The following ZRANB3 variants were observed in gnomAD, a reference collection of about 807,000 sequenced individuals.
ZRANB3 encodes the protein zinc finger RANBP2-type containing 3.
ZRANB3 carries 125 observed loss-of-function variants against 133.8 expected under a neutral mutation model. The ratio of observed to expected loss-of-function variants is 0.93; its 90% CI spans 0.81 to 1.08. ZRANB3 has a LOEUF of 1.08. Among genes scored for constraint, ZRANB3 ranks in the 50% least tolerant of loss-of-function variants. The pLI is 0.00. For missense variants in ZRANB3, 1,229 were observed against 1,275.5 expected (o/e 0.96, Z 0.56); for synonymous variants, 387 against 432.7 (o/e 0.89, Z 1.31).
intron 3 of ZRANB3, among the ~76,000 whole-genome samples, chr2:135,383,077 A>T (rs1322775249): frequency 6.6e-6 from 1 of 152,186 alleles, no homozygotes; most frequent in Non-Finnish European, 1.5e-5. Flanking sequence ...AAGACCCATC[A>T]GTGTGCTGTA....
Position 135,504,251 on chromosome 2 carries a change from G to C in ZRANB3, c.161+78C>G, listed in dbSNP as rs1217568906. 4 of 1,552,896 alleles carry C rather than the reference G, an allele frequency of 2.6e-6. No individual in the cohort carries two copies. The African/African-American group carries it at 4.1e-5, about 16-fold the overall frequency. ...AAGAAAGACTGTGAATACACGAAAA[G>C]AAAGTTTGAACAGAACTTTGTTTTT... On this transcript the variant is annotated intron_variant, in intron 2 of 20. Coordinates refer to ENST00000264159, the MANE Select transcript of ZRANB3 (RefSeq NM_032143.4).
In ZRANB3 at chr2:135,224,455, T is replaced by C. The variant is rs745658870; in HGVS notation, c.2221A>G (p.Asn741Asp). The C allele has an allele frequency of 3.7e-6, 6 of 1,613,332 alleles. No homozygotes were observed. The highest frequency in any genetic ancestry group is 4.2e-6 in the Non-Finnish European group (5 of 1,179,516). Residue 741 changes from asparagine to aspartate, a missense_variant, in exon 15 of 21, where the codon AAT (asparagine) becomes GAT (aspartate). Asn to Asp is a conservative substitution (Grantham distance 23). Coordinates refer to ENST00000264159, the MANE Select transcript of ZRANB3 (RefSeq NM_032143.4). The stretch of plus-strand genomic sequence containing the variant: ...GTATAGATGTGAATCCGGTCAGTAT[T>C]CCTACTTGCACAGAACATTAAGGTG... ...YDTLMFCASR[N>D]TDRIHIYTKD...
chr2:135,313,550 C>G lies in ZRANB3; in HGVS notation c.905G>C (p.Gly302Ala), dbSNP rs746066037. ...WEKIMRTPNS[G>A]AMETVMGLIT... ...CAACCCCATGACTGTCTCCATGGCA[C>G]CTGAATTTGGAGTTCTCATTATTTT... is the stretch of plus-strand genomic sequence containing the variant. The change falls in exon 8 of 21, where the codon GGT (glycine) becomes GCT (alanine). Residue 302 changes from glycine (G) to alanine (A), a missense_variant. Transcript: ENST00000264159. The G allele has an allele frequency of 2.9e-5, 47 of 1,613,644 alleles. No homozygotes were observed. Among genetic ancestry groups the G allele is most frequent in the Non-Finnish European group, 3.8e-5 (45 of 1,179,824 alleles).
chr2:135,399,118 C>T (rs745373709), intron 2 of ZRANB3, among the ~76,000 whole-genome samples: 1 of 152,036 alleles, frequency 6.6e-6, no homozygotes, highest in Non-Finnish European at 1.5e-5. Context: ...ACTTGAACGG[C>T]CATACATGTA....
rs188394039 is a variant in ZRANB3, at chr2:135,255,731, T to C, written c.1539+9803A>G. On this transcript the variant is annotated intron_variant, in intron 12 of 20. Transcript: ENST00000264159. ...TGGCATGGTGGCATGATGATAGTCC[T>C]GGCTACTTGGGAGGCTGAGGCAGGG... Among the ~76,000 whole-genome samples the C allele has an allele frequency of 6.5e-4, 94 of 145,096 alleles. 1 individual carries two copies. The highest frequency in any genetic ancestry group is 2.9e-5 in the Non-Finnish European group (2 of 67,956).
chr2:135,289,448 G>T (rs1304393216), intron 8 of ZRANB3, among the ~76,000 whole-genome samples: 1 of 152,066 alleles, frequency 6.6e-6, no homozygotes, highest in African/African-American at 2.4e-5. Flanking sequence ...TAGCGACGGG[G>T]TTTCACCATG....
intron 1 of ZRANB3, among the ~76,000 whole-genome samples, chr2:135,526,033 C>T (rs1694145644): frequency 6.6e-6 from 1 of 151,538 alleles, no homozygotes; most frequent in African/African-American, 2.4e-5. Flanking sequence ...GGCTGTGGTG[C>T]AAAGGATACA....
At chr2:135,485,702 C>T (rs913242768) in intron 2 of ZRANB3, among the ~76,000 whole-genome samples, 3 of 152,230 alleles carry the variant, frequency 2.0e-5, no homozygotes, top group African/African-American at 7.2e-5. Context: ...AGGTGAGTCA[C>T]ACAGACTTGT....
chr2:135,210,564 A>G (rs556775974), intron 17 of ZRANB3, among the ~76,000 whole-genome samples: 1 of 152,148 alleles, frequency 6.6e-6, no homozygotes, highest in Non-Finnish European at 1.5e-5. Context: ...ACTGGCCTCA[A>G]TTGATCCGCC....
At position 135,207,419 on chromosome 2, in the gene ZRANB3, A is replaced by G. The variant is rs1693916625; in HGVS notation, c.3009+15T>C. 1 of 1,582,956 alleles carries G rather than the reference A, an allele frequency of 6.3e-7. No individual in the cohort carries two copies. Among genetic ancestry groups the G allele is most frequent in the Non-Finnish European group, 8.6e-7 (1 of 1,164,540 alleles). Reference sequence around the variant, plus strand: ...TACAATGCTGCCTTCTATCTATCACATGATTATAACTTACCTGTTCTAATG... The same window carrying G: ...TACAATGCTGCCTTCTATCTATCACGTGATTATAACTTACCTGTTCTAATG... On this transcript the variant is annotated intron_variant, in intron 19 of 20. Transcript: ENST00000264159.
intron 6 of ZRANB3, 200 bp downstream of exon 6, chr2:135,345,350 C>G (rs1443129365): frequency 2.3e-6 from 1 of 433,034 alleles, no homozygotes; most frequent in African/African-American, 2.0e-5. Context: ...TGCCTGTAAT[C>G]CCAGCTACTC....
intron 8 of ZRANB3, 136 bp downstream of exon 8, chr2:135,313,353 C>CAA (rs368770114): frequency 2.1e-3 from 738 of 354,534 alleles, no homozygotes; most frequent in Non-Finnish European, 2.2e-3. Flanking sequence ...GCTCCCAACT[C>CAA]AAAAAAAAAA....
At chr2:135,285,767 T>G (rs534848558) in intron 8 of ZRANB3, among the ~76,000 whole-genome samples, 2 of 152,346 alleles carry the variant, frequency 1.3e-5, no homozygotes, top group East Asian at 3.9e-4. Context: ...AAGGCATTGT[T>G]TTGATGTGCC....
At chr2:135,385,937 G>A (rs1006840101) in intron 3 of ZRANB3, among the ~76,000 whole-genome samples, 1 of 152,224 alleles carries the variant, frequency 6.6e-6, no homozygotes, top group South Asian at 2.1e-4. Flanking sequence ...CATGGGCAAG[G>A]ACTTCATGAC....
chr2:135,413,136 T>C lies in ZRANB3; in HGVS notation c.162-22316A>G, dbSNP rs186646363. ...TCACATAAAGCTTTTCTCCTCTTTC[T>C]TCCCTATTAAGACACTTTAGGACAC... On this transcript the variant is annotated intron_variant, in intron 2 of 20. Coordinates refer to ENST00000264159, the MANE Select transcript of ZRANB3 (RefSeq NM_032143.4). Among the ~76,000 whole-genome samples the C allele has an allele frequency of 2.6e-5, 4 of 152,324 alleles. No individual in the cohort carries two copies. In the East Asian group the frequency reaches 7.7e-4, roughly 29 times the overall value.
intron 6 of ZRANB3, among the ~76,000 whole-genome samples, chr2:135,316,980 A>AT (rs1410966475): frequency 4.1e-4 from 58 of 142,268 alleles, no homozygotes; most frequent in African/African-American, 9.7e-4. Context: ...AAAAAAAAAA[A>AT]AAAATATATA....
rs1447805609 is a variant in ZRANB3 at position 135,269,024 on chromosome 2, T to C, written c.1324A>G (p.Ile442Val). The C allele has an allele frequency of 1.9e-6, 3 of 1,612,732 alleles. No homozygotes were observed. Among genetic ancestry groups the C allele is most frequent in the Non-Finnish European group, 2.5e-6 (3 of 1,179,582 alleles). Residue 442 changes from isoleucine to valine, a missense_variant, in exon 11 of 21, where the codon ATT becomes GTT. Ile to Val is a conservative substitution (Grantham distance 29). Coordinates refer to ENST00000264159, the MANE Select transcript of ZRANB3 (RefSeq NM_032143.4). ...GTTCCATTTGCAATAAGGTAGTGAA[T>C]ATTCACAGAACTGCACTGGCCAATT... is the stretch of plus-strand genomic sequence containing the variant. The part of the protein sequence containing the change: ...HRIGQCSSVN[I>V]HYLIANGTLD...
At chr2:135,526,971 T>C (rs1559055972) in intron 1 of ZRANB3, among the ~76,000 whole-genome samples, 1 of 152,182 alleles carries the variant, frequency 6.6e-6, no homozygotes, top group African/African-American at 2.4e-5. Flanking sequence ...ACCTATAGCC[T>C]GGAAGTCCCC....
At chr2:135,357,555 C>A (rs557466231) in intron 3 of ZRANB3, among the ~76,000 whole-genome samples, 2 of 152,330 alleles carry the variant, frequency 1.3e-5, no homozygotes, top group Admixed American at 1.3e-4. Flanking sequence ...CTCGGCCTCC[C>A]AAAGTGCTTG....
Sources: allele counts gnomAD v4.1 joint callset (sites outside exome capture counted in the v4.1 genomes callset), GRCh38; gene constraint gnomAD v4.1.1; transcripts MANE v1.5; gene names NCBI Gene and HGNC (gene_info 2026-07-23, HGNC 2026-07-21).